The following TMEM156 variants were observed in gnomAD, a reference collection of about 807,000 sequenced individuals.
TMEM156 encodes the protein transmembrane protein 156.
In TMEM156, 28 loss-of-function variants were observed where a neutral mutation model predicts 30.5. The ratio of observed to expected loss-of-function variants is 0.92; its 90% CI spans 0.68 to 1.26. The LOEUF is 1.26. TMEM156 is among the 50% of genes most tolerant of loss of function. The probability of loss-of-function intolerance (pLI) is 0.00; values close to 1 mark genes in which losing one functional copy is unlikely to be tolerated. For missense variants in TMEM156, 351 were observed against 340.6 expected (o/e 1.03, Z -0.24); for synonymous variants, 137 against 119.9 (o/e 1.14, Z -0.93).
At chr4:39,031,477 A>G (rs945598086) in intron 1 of TMEM156, among the ~76,000 whole-genome samples, 1 of 152,218 alleles carries the variant, frequency 6.6e-6, no homozygotes, top group African/African-American at 2.4e-5. Context: ...TCTTGTCAAA[A>G]GGTGACGGTA....
intron 1 of TMEM156, among the ~76,000 whole-genome samples, chr4:39,024,992 T>G (rs895516933): frequency 2.0e-5 from 3 of 152,222 alleles, no homozygotes; most frequent in Non-Finnish European, 2.9e-5. Flanking sequence ...TTTAGCTGCC[T>G]AATTTACAGA....
At chr4:38,997,940 G>A (rs998937152) in intron 2 of TMEM156, among the ~76,000 whole-genome samples, 7 of 152,188 alleles carry the variant, frequency 4.6e-5, no homozygotes, top group Admixed American at 3.3e-4. Context: ...ATGACTAAAT[G>A]TTAAGCAGGA....
At chr4:38,988,758 T>C in intron 4 of TMEM156, 93 bp downstream of exon 4, 1 of 1,485,044 alleles carries the variant, frequency 6.7e-7, no homozygotes, top group Non-Finnish European at 9.3e-7. Context: ...TTATTCACAG[T>C]AGGTGCACAA....
chr4:39,022,556 A>G (rs1477430809), intron 1 of TMEM156, among the ~76,000 whole-genome samples: 1 of 152,176 alleles, frequency 6.6e-6, no homozygotes, highest in African/African-American at 2.4e-5. Flanking sequence ...CTACATTTCT[A>G]AAGTTTTAAA....
At chr4:38,999,221 A>G (rs1713166397) in intron 1 of TMEM156, among the ~76,000 whole-genome samples, 1 of 150,626 alleles carries the variant, frequency 6.6e-6, no homozygotes, top group Non-Finnish European at 1.5e-5. Flanking sequence ...GGCTCAGGCA[A>G]TTCTCCCAAC....
chr4:38,983,093 G>T (rs978578375), intron 5 of TMEM156, among the ~76,000 whole-genome samples: 1 of 152,132 alleles, frequency 6.6e-6, no homozygotes, highest in Non-Finnish European at 1.5e-5. Context: ...CAGTTCAGAG[G>T]GGGGTGACAC....
At chr4:38,987,212 G>A (rs1433214867) in intron 4 of TMEM156, among the ~76,000 whole-genome samples, 1 of 152,070 alleles carries the variant, frequency 6.6e-6, no homozygotes, top group African/African-American at 2.4e-5. Flanking sequence ...TTAAATAATA[G>A]AATTTTCAAA....
chr4:38,994,404 G>T (rs2109960220), intron 2 of TMEM156, among the ~76,000 whole-genome samples: 1 of 152,294 alleles, frequency 6.6e-6, no homozygotes, highest in African/African-American at 2.4e-5. Context: ...GGGATTACAG[G>T]CGTGAGCCAC....
chr4:39,002,759 T>A (rs900685624), intron 1 of TMEM156, among the ~76,000 whole-genome samples: 22 of 150,492 alleles, frequency 1.5e-4, no homozygotes, highest in Non-Finnish European at 2.8e-4. Context: ...TTGGAAATCA[T>A]CATTCTCAGT....
chr4:38,989,065 C>T, intron 3 of TMEM156, 95 bp from the exon 4 acceptor site: 1 of 1,289,002 alleles, frequency 7.8e-7, no homozygotes, highest in Non-Finnish European at 1.1e-6. Context: ...ACATATTCTG[C>T]CCTGAATTGA....
intron 6 of TMEM156, 90 bp from the exon 7 acceptor site, chr4:38,967,731 A>G (rs145769928): frequency 3.3e-5 from 5 of 152,388 alleles, no homozygotes; most frequent in African/African-American, 1.2e-4. Flanking sequence ...AAACAATTTT[A>G]AAACCGTTTG....
chr4:38,984,736 TTCTC>T (rs964169171), intron 5 of TMEM156, among the ~76,000 whole-genome samples: 1 of 152,186 alleles, frequency 6.6e-6, no homozygotes, highest in African/African-American at 2.4e-5. Flanking sequence ...GTCTGCCTCT[TTCTC>T]TCTTTAAGAC....
intron 3 of TMEM156, among the ~76,000 whole-genome samples, chr4:38,992,701 ATATATATATAT>A (rs1198650474): frequency 6.3e-3 from 262 of 41,404 alleles, no homozygotes; most frequent in Non-Finnish European, 0.01. Context: ...ATATTATATA[ATATATATATAT>A]TATATATATA....
At position 38,975,908 on chromosome 4, in the gene TMEM156, G is replaced by C. The variant is rs79126758; in HGVS notation, c.824-4771C>G. Among the ~76,000 whole-genome samples, 25 of 152,212 alleles carry C rather than the reference G, an allele frequency of 1.6e-4. No individual in the cohort carries two copies. The East Asian group carries it at 4.8e-3, about 29-fold the overall frequency. On this transcript the variant is annotated intron_variant, in intron 5 of 6. Transcript: ENST00000381938. Reference sequence around the variant, plus strand: ...AATCAATAAAAGGGGAGGCCATCTTGGATGGGCCTGAATTAAAGAGGTAAA... The same window carrying C: ...AATCAATAAAAGGGGAGGCCATCTTCGATGGGCCTGAATTAAAGAGGTAAA...
intron 3 of TMEM156, among the ~76,000 whole-genome samples, chr4:38,990,872 C>T (rs1393138279): frequency 1.1e-5 from 1 of 92,682 alleles, no homozygotes; most frequent in Non-Finnish European, 2.2e-5. Context: ...GTCTCACTGT[C>T]ACCCAGGCTG....
At chr4:39,029,328 G>A (rs962564407) in intron 1 of TMEM156, among the ~76,000 whole-genome samples, 2 of 152,018 alleles carry the variant, frequency 1.3e-5, no homozygotes, top group African/African-American at 4.8e-5. Context: ...CTAGGCAGGG[G>A]AATTTCACAA....
At chr4:39,000,620 C>T (rs1290183871) in intron 1 of TMEM156, among the ~76,000 whole-genome samples, 3 of 152,160 alleles carry the variant, frequency 2.0e-5, no homozygotes, top group African/African-American at 7.2e-5. Flanking sequence ...GGCGCAGTGG[C>T]TCATGCCTGT....
At chr4:38,971,813 G>C (rs528894005) in intron 5 of TMEM156, among the ~76,000 whole-genome samples, 1 of 151,884 alleles carries the variant, frequency 6.6e-6, no homozygotes, top group African/African-American at 2.4e-5. Flanking sequence ...TTTTAAGACA[G>C]AGTTTCGCTC....
chr4:39,007,012 T>C (rs1350289100), intron 1 of TMEM156, among the ~76,000 whole-genome samples: 1 of 152,094 alleles, frequency 6.6e-6, no homozygotes, highest in Non-Finnish European at 1.5e-5. Flanking sequence ...ACTAAATTTG[T>C]TTTTTCTTTA....
Sources: gnomAD v4.1 joint callset for allele counts (sites outside exome capture counted in the v4.1 genomes callset) on GRCh38, gnomAD v4.1.1 for gene constraint, MANE v1.5 for transcripts, NCBI Gene and HGNC (gene_info 2026-07-23, HGNC 2026-07-21) for gene names.